CA8: variants seen among roughly 807,000 people sequenced by gnomAD.
CA8 encodes carbonic anhydrase 8 (inactive), also known as carbonic anhydrase-related protein.
In CA8, 22 loss-of-function variants were observed where a neutral mutation model predicts 41.4. The ratio of observed to expected loss-of-function variants is 0.53; its 90% CI spans 0.38 to 0.76. CA8 has a LOEUF of 0.76. Among genes scored for constraint, CA8 ranks in the 30% least tolerant of loss-of-function variants. The probability of loss-of-function intolerance (pLI) is 0.00; values close to 1 mark genes in which losing one functional copy is unlikely to be tolerated. For synonymous variants in CA8, 121 were observed against 130.6 expected (o/e 0.93, Z 0.50); for missense variants, 270 against 352.8 (o/e 0.77, Z 1.88).
chr8:60,213,197 T>G (rs1204906006), intron 7 of CA8, among the ~76,000 whole-genome samples: 1 of 152,202 alleles, frequency 6.6e-6, no homozygotes, highest in East Asian at 1.9e-4. Context: ...AATCGATCTT[T>G]TCAATTTTTT....
At chr8:60,226,459 C>T (rs1004258006) in intron 5 of CA8, among the ~76,000 whole-genome samples, 5 of 152,160 alleles carry the variant, frequency 3.3e-5, no homozygotes, top group East Asian at 1.9e-4. Flanking sequence ...GGCAGGGAGA[C>T]GGCTGCTGCT....
At chr8:60,232,005 T>C (rs1048109737) in intron 4 of CA8, among the ~76,000 whole-genome samples, 1 of 152,158 alleles carries the variant, frequency 6.6e-6, no homozygotes, top group African/African-American at 2.4e-5. Context: ...TTTCATAAAA[T>C]AAACTCTACC....
chr8:60,255,803 A>G (rs1044440535), intron 3 of CA8, among the ~76,000 whole-genome samples: 1 of 152,230 alleles, frequency 6.6e-6, no homozygotes, highest in African/African-American at 2.4e-5. Context: ...TGCTCTTAAA[A>G]TGTTTTTAGA....
chr8:60,266,736 A>G (rs548844455), intron 2 of CA8, among the ~76,000 whole-genome samples: 1 of 152,218 alleles, frequency 6.6e-6, no homozygotes, highest in African/African-American at 2.4e-5. Context: ...GAGCACACTA[A>G]AGGATAATGA....
In CA8 at chr8:60,243,748, T is replaced by C. The variant is rs1808124950; in HGVS notation, c.418-11369A>G. 2.6e-5 allele frequency among the ~76,000 whole-genome samples: 4 copies of C among 152,212 alleles called. No individual in the cohort carries two copies. In the South Asian group the frequency reaches 8.3e-4, roughly 32 times the overall value. ...TTGCCTGTCTTTCTCACACTGCCCC[T>C]TCCCCTGGGTTTCGTGGTGCCACAC... On this transcript the variant is annotated intron_variant, in intron 3 of 8. Coordinates refer to ENST00000317995, the MANE Select transcript of CA8 (RefSeq NM_004056.6).
intron 4 of CA8, among the ~76,000 whole-genome samples, chr8:60,228,402 A>T (rs965963210): frequency 6.6e-6 from 1 of 152,206 alleles, no homozygotes; most frequent in Non-Finnish European, 1.5e-5. Flanking sequence ...TAACCATACT[A>T]TAGCACTGGG....
intron 5 of CA8, among the ~76,000 whole-genome samples, chr8:60,225,648 C>T (rs982353464): frequency 5.3e-4 from 81 of 152,296 alleles, no homozygotes; most frequent in Middle Eastern, 3.4e-3. Flanking sequence ...TAAAGCTAAT[C>T]AAACTTGATT....
chr8:60,192,753 T>G (rs879555329), intron 8 of CA8, among the ~76,000 whole-genome samples: 4 of 152,190 alleles, frequency 2.6e-5, no homozygotes, highest in Non-Finnish European at 5.9e-5. Context: ...GTTATGAAAC[T>G]ATCAGTCCCT....
Position 60,189,610 on chromosome 8 carries a change from T to G in CA8, c.*411A>C, listed in dbSNP as rs1455627110. 2 of 151,674 alleles carry G rather than the reference T, an allele frequency of 1.3e-5. No homozygotes were observed. 9.4% of individuals were successfully genotyped at this position (151,674 alleles called of 1,614,324 possible). On this transcript the variant is annotated 3_prime_UTR_variant, in exon 9 of 9. Transcript: ENST00000317995. ...CACTAGTTCTAAAATGAGTGAATTTTCTGTTGGAGACAGGAAATGAAGAAC... is the reference window on the plus strand; with the variant it reads ...CACTAGTTCTAAAATGAGTGAATTTGCTGTTGGAGACAGGAAATGAAGAAC...
chr8:60,237,448 C>A (rs547775889), intron 3 of CA8, among the ~76,000 whole-genome samples: 2 of 152,240 alleles, frequency 1.3e-5, no homozygotes, highest in Non-Finnish European at 2.9e-5. Flanking sequence ...CTTACCATTT[C>A]TAAGGAGAGC....
At chr8:60,232,580 G>A in intron 3 of CA8, 2 of 627,680 alleles carry the variant, frequency 3.2e-6, no homozygotes, top group East Asian at 2.8e-5. Context: ...GCAGTGCTTA[G>A]TGGATCACTG....
chr8:60,244,352 T>C (rs969385388), intron 3 of CA8, among the ~76,000 whole-genome samples: 118 of 152,224 alleles, frequency 7.8e-4, no homozygotes, highest in African/African-American at 2.7e-3. Context: ...ACTGCAAGCC[T>C]GCTCATCAGG....
chr8:60,264,045 A>G (rs1803821565), intron 3 of CA8, among the ~76,000 whole-genome samples: 2 of 152,246 alleles, frequency 1.3e-5, no homozygotes. Context: ...CTGCAGAAAC[A>G]AAGCCTCACT....
intron 3 of CA8, among the ~76,000 whole-genome samples, chr8:60,260,469 T>A (rs1320200042): frequency 6.6e-6 from 1 of 152,136 alleles, no homozygotes; most frequent in Non-Finnish European, 1.5e-5. Context: ...ACATCAAAAC[T>A]CCTTATATCA....
intron 2 of CA8, among the ~76,000 whole-genome samples, chr8:60,278,718 G>A (rs1043670451): frequency 6.6e-6 from 1 of 152,146 alleles, no homozygotes; most frequent in African/African-American, 2.4e-5. Flanking sequence ...CTATCTCATG[G>A]ATTCTAAATT....
intron 2 of CA8, among the ~76,000 whole-genome samples, chr8:60,279,012 A>G (rs1004905587): frequency 6.8e-4 from 103 of 152,314 alleles, no homozygotes; most frequent in African/African-American, 2.5e-3. Flanking sequence ...ATAAAGCCAA[A>G]AACTGATTTC....
intron 3 of CA8, among the ~76,000 whole-genome samples, chr8:60,246,125 C>G (rs1002387091): frequency 6.6e-6 from 1 of 152,220 alleles, no homozygotes; most frequent in Non-Finnish European, 1.5e-5. Flanking sequence ...TTCCCCTGGT[C>G]TGCACAGTCA....
intron 8 of CA8, among the ~76,000 whole-genome samples, chr8:60,207,304 C>T (rs1221843167): frequency 6.6e-6 from 1 of 152,214 alleles, no homozygotes; most frequent in African/African-American, 2.4e-5. Context: ...AATTAAGTAA[C>T]CCCATTAGAT....
At chr8:60,247,872 C>T (rs1316582334) in intron 3 of CA8, among the ~76,000 whole-genome samples, 2 of 152,234 alleles carry the variant, frequency 1.3e-5, no homozygotes, top group African/African-American at 2.4e-5. Context: ...TTCACAACAA[C>T]AGCATAAAAG....
Sources: allele counts gnomAD v4.1 joint callset (sites outside exome capture counted in the v4.1 genomes callset), GRCh38; gene constraint gnomAD v4.1.1; transcripts MANE v1.5; gene names NCBI Gene and HGNC (gene_info 2026-07-23, HGNC 2026-07-21).